The following RGS14 variants were observed in gnomAD, a reference collection of about 807,000 sequenced individuals.
The protein encoded by RGS14 is regulator of G-protein signaling 14.
A neutral mutation model predicts 63.8 loss-of-function variants in RGS14; 33 were observed. The ratio of observed to expected loss-of-function variants is 0.52; its 90% CI spans 0.39 to 0.69. The LOEUF (loss-of-function observed/expected upper bound fraction) is 0.69, where lower values mean the gene tolerates loss of function less well. Among genes scored for constraint, RGS14 ranks in the 30% least tolerant of loss-of-function variants. The probability of loss-of-function intolerance (pLI) is 0.00; values close to 1 mark genes in which losing one functional copy is unlikely to be tolerated. For missense variants in RGS14, 739 were observed against 742.9 expected (o/e 0.99, Z 0.06); for synonymous variants, 296 against 320.9 (o/e 0.92, Z 0.83).
At chr5:177,365,902 G>A in intron 1 of RGS14, 61 bp from the exon 2 acceptor site, 2 of 1,578,854 alleles carry the variant, frequency 1.3e-6, no homozygotes, top group Non-Finnish European at 1.7e-6. Context: ...GTCGGGCCCA[G>A]AACTGTCCCC....
rs554822029 is a variant in RGS14 at position 177,371,388 on chromosome 5, C to A, written c.1375C>A (p.Arg459Ser). The change falls in exon 13 of 15, where the codon CGC becomes AGC. Residue 459 changes from arginine to serine, a missense_variant. Physicochemically the swap from Arg to Ser is moderately radical, Grantham distance 110. Transcript: ENST00000408923. The surrounding 1 kb of genome is among the most constrained non-coding windows in gnomAD (Gnocchi z 6.1). ...CAAAGCCCGTGACAAATCTCCCTGC[C>A]GCAGCCAGGTGAGCGAAAGGCGAGT... ...ISKARDKSPC[R>S]SQGCPPRTQD... 13 of 1,614,084 alleles carry A rather than the reference C, an allele frequency of 8.1e-6. No homozygotes were observed. The South Asian group carries it at 1.2e-4, about 15-fold the overall frequency.
chr5:177,367,640 C>T, intron 6 of RGS14, 74 bp from the exon 7 acceptor site: 1 of 1,584,538 alleles, frequency 6.3e-7, no homozygotes, highest in Non-Finnish European at 8.6e-7. Flanking sequence ...GGGTGCAGAT[C>T]TGCGAGTCTG....
In RGS14 at chr5:177,366,988, T is replaced by C. The variant is rs747289630; in HGVS notation, c.437T>C (p.Val146Ala). ...IDRQAWLGEE[V>A]LAEPRPDMFR... Reference sequence around the variant, plus strand: ...CGTCAGGCCTGGCTTGGCGAGGAGGTGCTGGCCGAGCCCCGGCCGGACATG... The same window carrying C: ...CGTCAGGCCTGGCTTGGCGAGGAGGCGCTGGCCGAGCCCCGGCCGGACATG... Residue 146 changes from valine to alanine, a missense_variant, in exon 5 of 15, where the codon GTG becomes GCG. Physicochemically the swap from Val to Ala is moderately conservative, Grantham distance 64. Coordinates refer to ENST00000408923, the MANE Select transcript of RGS14 (RefSeq NM_006480.5). 40 of 1,612,980 alleles carry C rather than the reference T, an allele frequency of 2.5e-5. No individual in the cohort carries two copies. Among genetic ancestry groups the C allele is most frequent in the Non-Finnish European group, 3.2e-5 (38 of 1,179,872 alleles).
chr5:177,367,205 A>G lies in RGS14; in HGVS notation c.483+171A>G, dbSNP rs1487778816. 4 of 1,094,296 alleles carry G rather than the reference A, an allele frequency of 3.7e-6. No individual in the cohort carries two copies. In the East Asian group the frequency reaches 1.0e-4, roughly 27 times the overall value. The allele number at this position is 1,094,296 out of a possible 1,614,324, so 67.8% of individuals were successfully genotyped here. ...GAGCTCAGAGGGCGGTATCAGAGGC[A>G]CGGGGAAGGACAGTTAGAGGCGGAG... On this transcript the variant is annotated intron_variant, in intron 5 of 14. Coordinates refer to ENST00000408923, the MANE Select transcript of RGS14 (RefSeq NM_006480.5).
In RGS14 at chr5:177,370,632, G is replaced by A; in HGVS notation, c.1095G>A (p.Gln365=). ...AGGACTGCACCGTGCTGGCGGATCA[G>A]GAAGTGCGGCTGGAAAACAGGATCA... The part of the protein sequence containing the change: ...LDQDCTVLAD[Q]EVRLENRITF... Residue 365 remains glutamine, a synonymous_variant, in exon 10 of 15, where the codon CAG becomes CAA. Transcript: ENST00000408923. 1.2e-6 allele frequency: 2 copies of A among 1,614,108 alleles called. No homozygotes were observed. Among genetic ancestry groups the A allele is most frequent in the South Asian group, 2.2e-5 (2 of 91,086 alleles).
chr5:177,360,907 C>T (rs891618352), intron 1 of RGS14, among the ~76,000 whole-genome samples: 2 of 152,188 alleles, frequency 1.3e-5, no homozygotes. Context: ...GCAAGACTCT[C>T]CACTAGCTCC....
At chr5:177,363,366 C>T (rs1451390129) in intron 1 of RGS14, among the ~76,000 whole-genome samples, 3 of 152,072 alleles carry the variant, frequency 2.0e-5, no homozygotes, top group East Asian at 1.9e-4. Flanking sequence ...CCGCCCAGCG[C>T]GCTCTGCACT....
chr5:177,372,366 G>A lies in RGS14; in HGVS notation c.*291G>A, dbSNP rs562757687. 3.4e-5 allele frequency: 13 copies of A among 384,820 alleles called. No homozygotes were observed. The highest frequency in any genetic ancestry group is 1.4e-4 in the African/African-American group (7 of 48,734). The allele number at this position is 384,820 out of a possible 1,614,324, so 23.8% of individuals were successfully genotyped here. ...GGCTTGCCCAACATGGAGGGATGGC[G>A]TTGGCAGTGCCAGCCTCCCCAGCCT... On this transcript the variant is annotated 3_prime_UTR_variant, in exon 15 of 15. Transcript: ENST00000408923.
At position 177,372,412 on chromosome 5, in the gene RGS14, C is replaced by A; in HGVS notation, c.*337C>A. ...AGCCTGTGCCAAGCTTCAACAGGGG[C>A]AAGAGGAGGGGCCGGCCCCTCCTCA... On this transcript the variant is annotated 3_prime_UTR_variant, in exon 15 of 15. Coordinates refer to ENST00000408923, the MANE Select transcript of RGS14 (RefSeq NM_006480.5). The A allele has an allele frequency of 3.5e-6, 1 of 281,792 alleles. No individual in the cohort carries two copies. Among genetic ancestry groups the A allele is most frequent in the Non-Finnish European group, 6.7e-6 (1 of 149,084 alleles). 17.5% of individuals were successfully genotyped at this position (281,792 alleles called of 1,614,324 possible).
Position 177,357,962 on chromosome 5 carries a change from G to A in RGS14, c.-63G>A, listed in dbSNP as rs944068124. 1.2e-5 allele frequency: 15 copies of A among 1,290,802 alleles called. No homozygotes were observed. Among genetic ancestry groups the A allele is most frequent in the East Asian group, 9.4e-5 (3 of 32,066 alleles). 80.0% of individuals were successfully genotyped at this position (1,290,802 alleles called of 1,614,324 possible). On this transcript the variant is annotated 5_prime_UTR_variant, in exon 1 of 15. Transcript: ENST00000408923. ...GCCCGCCACCGTGCAAGCTCTGGCC[G>A]GCGCTGCCCACAGTCCCCATGGTGG...
At position 177,358,006 on chromosome 5, in the gene RGS14, AC is replaced by A; in HGVS notation, c.-15del. Reference sequence around the variant, plus strand: ...ATGGTGGGCAGCCCCCGCGGCGGGGACCCCTGATCGGCAGCGGCATGCCAGG... The same window carrying A: ...ATGGTGGGCAGCCCCCGCGGCGGGGACCCTGATCGGCAGCGGCATGCCAGG... On this transcript the variant is annotated 5_prime_UTR_variant, in exon 1 of 15. The change abolishes the stop of an existing upstream ORF in the 5' untranslated region. Coordinates refer to ENST00000408923, the MANE Select transcript of RGS14 (RefSeq NM_006480.5). This position sits in a 1 kb window ranked among gnomAD's most constrained non-coding sequence, Gnocchi z 4.8. The A allele has an allele frequency of 3.0e-6, 4 of 1,347,462 alleles. No individual in the cohort carries two copies. Among genetic ancestry groups the A allele is most frequent in the Non-Finnish European group, 3.8e-6 (4 of 1,040,360 alleles). 83.5% of individuals were successfully genotyped at this position (1,347,462 alleles called of 1,614,324 possible).
intron 8 of RGS14, 128 bp from the exon 9 acceptor site, chr5:177,368,589 C>T (rs942156587): frequency 1.4e-5 from 13 of 912,902 alleles, no homozygotes; most frequent in African/African-American, 9.8e-5. Context: ...TGCAGGAGGA[C>T]GTATCTTTGC....
chr5:177,367,707 C>T lies in RGS14; in HGVS notation c.628-7C>T. On this transcript the variant is annotated splice_polypyrimidine_tract_variant and splice_region_variant and intron_variant, in intron 6 of 14. Transcript: ENST00000408923. ...GCCCGGTGCCAGCGCCTCCCCTGTA[C>T]CCACAGAAGCCGAAGCTGAAGCCCG... 6.2e-7 allele frequency: 1 copy of T among 1,611,520 alleles called. No homozygotes were observed. Among genetic ancestry groups the T allele is most frequent in the African/African-American group, 1.3e-5 (1 of 75,042 alleles).
In RGS14 at chr5:177,358,657, T is replaced by TC. The variant is rs1285323629; in HGVS notation, c.45+593dup. ...TTCCAGGAAGGGCTGAGCACTAAGATCCCCCTGGCTGCAGCTGCCCCACCC... is the reference window on the plus strand; with the variant it reads ...TTCCAGGAAGGGCTGAGCACTAAGATCCCCCCTGGCTGCAGCTGCCCCACCC... On this transcript the variant is annotated intron_variant, in intron 1 of 14. Transcript: ENST00000408923. This position sits in a 1 kb window ranked among gnomAD's most constrained non-coding sequence, Gnocchi z 4.8. Among the ~76,000 whole-genome samples, 5 of 152,130 alleles carry TC rather than the reference T, an allele frequency of 3.3e-5. No homozygotes were observed. The highest frequency in any genetic ancestry group is 7.4e-5 in the Non-Finnish European group (5 of 68,012).
intron 6 of RGS14, 45 bp downstream of exon 6, chr5:177,367,602 C>T: frequency 2.5e-6 from 4 of 1,582,278 alleles, no homozygotes; most frequent in Admixed American, 1.8e-5. Flanking sequence ...GGGGGTCCTG[C>T]GGACCGCGTG....
At chr5:177,366,130 C>A (rs769554548) in intron 2 of RGS14, 47 bp from the exon 3 acceptor site, 3 of 1,599,642 alleles carry the variant, frequency 1.9e-6, no homozygotes, top group Non-Finnish European at 2.6e-6. Flanking sequence ...GTGCCAGGGG[C>A]TGGGGAAGGC....
Position 177,371,012 on chromosome 5 carries a change from T to C in RGS14, c.1235T>C (p.Leu412Pro). ...PILEKHGLSPLEVVLHRPGEK... is the reference protein window; with the variant it reads ...PILEKHGLSPPEVVLHRPGEK... ...CTGGAGAAGCACGGCTTGAGCCCGC[T>C]AGAGGTGGTGCTGCACCGGGTGAGC... Residue 412 changes from leucine (L) to proline (P), a missense_variant, in exon 11 of 15, where the codon CTA becomes CCA. Leu to Pro is a moderately conservative substitution (Grantham distance 98). Coordinates refer to ENST00000408923, the MANE Select transcript of RGS14 (RefSeq NM_006480.5). This position sits in a 1 kb window ranked among gnomAD's most constrained non-coding sequence, Gnocchi z 6.1. The C allele has an allele frequency of 1.3e-6, 2 of 1,590,306 alleles. No homozygotes were observed. Among genetic ancestry groups the C allele is most frequent in the Non-Finnish European group, 1.7e-6 (2 of 1,174,822 alleles).
chr5:177,369,294 C>T (rs1762184189), intron 9 of RGS14, among the ~76,000 whole-genome samples: 1 of 152,166 alleles, frequency 6.6e-6, no homozygotes, highest in Non-Finnish European at 1.5e-5. Flanking sequence ...CCCAAGTGCA[C>T]CTAACCAATG....
chr5:177,364,525 G>C lies in RGS14; in HGVS notation c.46-1438G>C, dbSNP rs1035695963. Among the ~76,000 whole-genome samples, 6 of 152,154 alleles carry C rather than the reference G, an allele frequency of 3.9e-5. No individual in the cohort carries two copies. Among genetic ancestry groups the C allele is most frequent in the African/African-American group, 1.2e-4 (5 of 41,424 alleles). On this transcript the variant is annotated intron_variant, in intron 1 of 14. Coordinates refer to ENST00000408923, the MANE Select transcript of RGS14 (RefSeq NM_006480.5). The surrounding 1 kb of genome is among the most constrained non-coding windows in gnomAD (Gnocchi z 4.6). ...CCTGCCCTCCTCGCGCACACCCTGAGCCTCTGTCCTGCCCTCTAACCCCAA... is the reference window on the plus strand; with the variant it reads ...CCTGCCCTCCTCGCGCACACCCTGACCCTCTGTCCTGCCCTCTAACCCCAA...
Sources: gnomAD v4.1 joint callset for allele counts (sites outside exome capture counted in the v4.1 genomes callset) on GRCh38, gnomAD v4.1.1 for gene constraint, Gnocchi (gnomAD v3.1) non-coding constraint, MANE v1.5 for transcripts, NCBI Gene and HGNC (gene_info 2026-07-23, HGNC 2026-07-21) for gene names.